Variants in PGR observed in about 807,000 individuals in gnomAD.
The protein encoded by PGR is nuclear receptor subfamily 3 group C member 3.
PGR carries 25 observed loss-of-function variants against 76.1 expected under a neutral mutation model. That is an observed-to-expected ratio of 0.33 (90% CI 0.24 to 0.46). The LOEUF is 0.46. Among genes scored for constraint, PGR ranks in the 20% least tolerant of loss-of-function variants. The probability of loss-of-function intolerance (pLI) is 1.00; values close to 1 mark genes in which losing one functional copy is unlikely to be tolerated. For missense variants in PGR, 1,172 were observed against 1,225.3 expected, an observed-to-expected ratio of 0.96 and a Z score of 0.65; for synonymous variants, 579 against 535.0, an observed-to-expected ratio of 1.08 and a Z score of -1.14.
At chr11:101,095,698 C>A (rs1861811922) in intron 2 of PGR, among the ~76,000 whole-genome samples, 1 of 152,102 alleles carries the variant, frequency 6.6e-6, no homozygotes, top group Admixed American at 6.6e-5. Flanking sequence ...AACATTAGTA[C>A]CTTGGATTGG....
chr11:101,054,742 T>TA (rs1309066480), intron 4 of PGR, among the ~76,000 whole-genome samples: 4 of 152,262 alleles, frequency 2.6e-5, no homozygotes, highest in Non-Finnish European at 5.9e-5. Flanking sequence ...TCTTCATAAG[T>TA]AAAAATCACA....
intron 1 of PGR, among the ~76,000 whole-genome samples, chr11:101,126,627 T>C (rs1862847222): frequency 6.6e-6 from 1 of 152,236 alleles, no homozygotes; most frequent in Non-Finnish European, 1.5e-5. Context: ...TAAGCAAGTA[T>C]ATGTTTGTCA....
At chr11:101,047,082 A>C (rs1316139100) in intron 6 of PGR, among the ~76,000 whole-genome samples, 1 of 152,102 alleles carries the variant, frequency 6.6e-6, no homozygotes, top group East Asian at 1.9e-4. Flanking sequence ...CCTTTTTGTG[A>C]AGTGGCAAAT....
chr11:101,057,050 T>G (rs1420045586), intron 4 of PGR, among the ~76,000 whole-genome samples: 1 of 152,210 alleles, frequency 6.6e-6, no homozygotes, highest in Admixed American at 6.5e-5. Context: ...GGATCAAGGT[T>G]AGAAAGATGC....
chr11:101,047,780 C>T (rs1859942346), intron 6 of PGR, among the ~76,000 whole-genome samples: 1 of 152,124 alleles, frequency 6.6e-6, no homozygotes, highest in African/African-American at 2.4e-5. Flanking sequence ...AGGGTCAAAG[C>T]AGCTGCTTTT....
intron 2 of PGR, among the ~76,000 whole-genome samples, chr11:101,095,888 C>T (rs1166089072): frequency 2.0e-5 from 3 of 152,040 alleles, no homozygotes; most frequent in African/African-American, 7.2e-5. Context: ...TTAAAGGCAA[C>T]TTAAAGATAT....
chr11:101,058,428 A>T (rs912746268), intron 4 of PGR, among the ~76,000 whole-genome samples: 7 of 152,166 alleles, frequency 4.6e-5, no homozygotes, highest in Admixed American at 1.3e-4. Flanking sequence ...AGATGCAATG[A>T]CTCACTGACT....
chr11:101,074,518 G>A (rs1861056901), intron 3 of PGR, among the ~76,000 whole-genome samples: 1 of 152,138 alleles, frequency 6.6e-6, no homozygotes, highest in Non-Finnish European at 1.5e-5. Flanking sequence ...ATTCAAATAG[G>A]AAGAGAGGAA....
rs1264848579 is a variant in PGR at position 101,038,010 on chromosome 11, C to T, written c.*1106G>A. The T allele has an allele frequency of 4.8e-6, 1 of 209,496 alleles. No individual in the cohort carries two copies. Among genetic ancestry groups the T allele is most frequent in the East Asian group, 7.1e-5 (1 of 14,040 alleles). The allele number at this position is 209,496 out of a possible 1,614,324, so 13.0% of individuals were successfully genotyped here. ...CTCAGGGAAGATTTTACAGAAATGA[C>T]ATTTGGCTGAGTCTCGAAGGTTGAA... On this transcript the variant is annotated 3_prime_UTR_variant, in exon 8 of 8. Coordinates refer to ENST00000325455, the MANE Select transcript of PGR (RefSeq NM_000926.4).
intron 2 of PGR, among the ~76,000 whole-genome samples, chr11:101,108,579 G>T (rs558497155): frequency 6.6e-6 from 1 of 152,094 alleles, no homozygotes; most frequent in African/African-American, 2.4e-5. Context: ...ATATCATCTC[G>T]TGCTTCAAAC....
chr11:101,106,886 T>TA (rs964489961), intron 2 of PGR, among the ~76,000 whole-genome samples: 15 of 152,090 alleles, frequency 9.9e-5, no homozygotes, highest in African/African-American at 3.4e-4. Flanking sequence ...TATGCAGCCA[T>TA]AAAAAAGAAT....
intron 3 of PGR, among the ~76,000 whole-genome samples, chr11:101,077,782 T>G (rs1423684917): frequency 6.6e-6 from 1 of 152,120 alleles, no homozygotes; most frequent in Non-Finnish European, 1.5e-5. Context: ...CAGGCTCCAA[T>G]GCAGTGAACT....
chr11:101,102,968 C>T lies in PGR; in HGVS notation c.1790-11092G>A, dbSNP rs566472118. On this transcript the variant is annotated intron_variant, in intron 2 of 7. Transcript: ENST00000325455. Reference sequence around the variant, plus strand: ...AGGAGCACAACCTAGATCCCTGGCACGCGCAGTTTGCAATAGGGTTTGCGC... The same window carrying T: ...AGGAGCACAACCTAGATCCCTGGCATGCGCAGTTTGCAATAGGGTTTGCGC... Among the ~76,000 whole-genome samples the T allele has an allele frequency of 2.8e-4, 43 of 151,998 alleles. No individual in the cohort carries two copies. The East Asian group carries it at 5.1e-3, about 18-fold the overall frequency.
chr11:101,076,431 G>A (rs908170886), intron 3 of PGR, among the ~76,000 whole-genome samples: 4 of 151,872 alleles, frequency 2.6e-5, no homozygotes, highest in African/African-American at 7.3e-5. Context: ...AAACCTTCAC[G>A]TTCTGCACGT....
Position 101,062,667 on chromosome 11 carries a change from A to C in PGR, c.1992T>G (p.Asn664Lys). 1 of 1,613,940 alleles carries C rather than the reference A, an allele frequency of 6.2e-7. No homozygotes were observed. Among genetic ancestry groups the C allele is most frequent in the Non-Finnish European group, 8.5e-7 (1 of 1,179,900 alleles). The stretch of plus-strand genomic sequence containing the variant: ...ATCTCTGGCTTAGGGCTTGGCTTTC[A>C]TTTGGAACGCCCACTGGCTGTGGGA... ...VALPQPVGVP[N>K]ESQALSQRFT... Residue 664 changes from asparagine to lysine, a missense_variant, in exon 4 of 8, where the codon AAT becomes AAG. Asn to Lys is a moderately conservative substitution (Grantham distance 94, BLOSUM62 0). Around this residue, in one of 4 missense-constraint regions of PGR, gnomAD observed 73 missense variants for 60.7 expected, o/e 1.20. Coordinates refer to ENST00000325455, the MANE Select transcript of PGR (RefSeq NM_000926.4).
chr11:101,126,272 T>A, intron 1 of PGR, 114 bp from the exon 2 acceptor site: 1 of 932,414 alleles, frequency 1.1e-6, no homozygotes, highest in Non-Finnish European at 1.7e-6. Context: ...AACAGAACTG[T>A]ATATATACAC....
intron 2 of PGR, among the ~76,000 whole-genome samples, chr11:101,097,519 T>C (rs568055843): frequency 6.6e-6 from 1 of 152,336 alleles, no homozygotes; most frequent in South Asian, 2.1e-4. Context: ...AAATACAGCT[T>C]GATAAATATT....
chr11:101,113,402 C>T (rs1035732143), intron 2 of PGR, among the ~76,000 whole-genome samples: 3 of 150,492 alleles, frequency 2.0e-5, no homozygotes, highest in South Asian at 2.1e-4. Context: ...GCTGGGACTA[C>T]AGGCACCCAC....
chr11:101,062,530 G>A lies in PGR; in HGVS notation c.2129C>T (p.Thr710Ile). Reference protein sequence around the residue: ...YAGHDNTKPDTSSSLLTSLNQ... With the variant: ...YAGHDNTKPDISSSLLTSLNQ... ...AAGACTTGTCAGCAAAGAACTGGAGGTGTCAGGTTTTGTGTTGTCATGTCC... is the reference window on the plus strand; with the variant it reads ...AAGACTTGTCAGCAAAGAACTGGAGATGTCAGGTTTTGTGTTGTCATGTCC... The change falls in exon 4 of 8, where the codon ACC becomes ATC. Residue 710 changes from threonine (T) to isoleucine (I), a missense_variant. This residue lies in a region of PGR where 166 missense variants were observed against 296.0 expected (regional missense o/e 0.56). Coordinates refer to ENST00000325455, the MANE Select transcript of PGR (RefSeq NM_000926.4). The A allele has an allele frequency of 6.2e-7, 1 of 1,613,976 alleles. No individual in the cohort carries two copies. The highest frequency in any genetic ancestry group is 8.5e-7 in the Non-Finnish European group (1 of 1,179,900).
Sources: allele counts gnomAD v4.1 joint callset (sites outside exome capture counted in the v4.1 genomes callset), GRCh38; gene constraint gnomAD v4.1.1; regional missense constraint gnomAD v4.1.1; transcripts MANE v1.5; gene names NCBI Gene and HGNC (gene_info 2026-07-23, HGNC 2026-07-21).